The following JAK2 variants were observed in gnomAD, a reference collection of about 807,000 sequenced individuals.
JAK2 encodes tyrosine-protein kinase JAK2.
JAK2 carries 86 observed loss-of-function variants against 139.3 expected under a neutral mutation model. The ratio of observed to expected loss-of-function variants is 0.62; its 90% CI spans 0.52 to 0.74. JAK2 has a LOEUF of 0.74. Among genes scored for constraint, JAK2 ranks in the 30% least tolerant of loss-of-function variants. JAK2 has a pLI of 0.00. For missense variants in JAK2, 1,421 were observed against 1,360.3 expected (o/e 1.04, Z -0.70); for synonymous variants, 490 against 437.7 (o/e 1.12, Z -1.49).
chr9:5,011,620 G>A (rs1821705568), intron 2 of JAK2, among the ~76,000 whole-genome samples: 1 of 151,760 alleles, frequency 6.6e-6, no homozygotes, highest in Admixed American at 6.6e-5. Context: ...CTAATATTTG[G>A]GTCTGCTTTG....
chr9:5,021,866 C>T (rs1362189977), intron 2 of JAK2, 97 bp from the exon 3 acceptor site: 3 of 652,658 alleles, frequency 4.6e-6, no homozygotes, highest in East Asian at 5.5e-5. Flanking sequence ...CTTCTGGGCT[C>T]AAGCTATCTG....
Position 5,080,251 on chromosome 9 carries a change from G to T in JAK2, c.2154G>T (p.Trp718Cys), listed in dbSNP as rs1819594814. The change falls in exon 17 of 25, where the codon TGG becomes TGT. Residue 718 changes from tryptophan (W) to cysteine (C), a missense_variant. By Grantham distance (215) the Trp-to-Cys change is radical (BLOSUM62 -2). Coordinates refer to ENST00000381652, the MANE Select transcript of JAK2 (RefSeq NM_004972.4). ...PKDILQERIP[W>C]VPPECIENPK... ...AAGTTCTTCAGGAGAGAATACCATGGGTACCACCTGAATGCATTGAAAATC... is the reference window on the plus strand; with the variant it reads ...AAGTTCTTCAGGAGAGAATACCATGTGTACCACCTGAATGCATTGAAAATC... 1.2e-6 allele frequency: 2 copies of T among 1,612,378 alleles called. No individual in the cohort carries two copies. The highest frequency in any genetic ancestry group is 8.5e-7 in the Non-Finnish European group (1 of 1,178,926).
chr9:5,001,583 G>A (rs1205655058), intron 2 of JAK2, among the ~76,000 whole-genome samples: 1 of 149,500 alleles, frequency 6.7e-6, no homozygotes, highest in Admixed American at 6.6e-5. Context: ...CTGGTTCTAT[G>A]TTCTATTATT....
chr9:5,117,295 G>C lies in JAK2; in HGVS notation c.3060-5709G>C, dbSNP rs189248345. On this transcript the variant is annotated intron_variant, in intron 22 of 24. Coordinates refer to ENST00000381652, the MANE Select transcript of JAK2 (RefSeq NM_004972.4). ...CCAGTACATCATGTTAATGAGTTCA[G>C]ACCTTCTTTAGTAGACAGTGCGTAA... Among the ~76,000 whole-genome samples, 65 of 152,336 alleles carry C rather than the reference G, an allele frequency of 4.3e-4. No individual in the cohort carries two copies. The Middle Eastern group carries it at 0.024, about 56-fold the overall frequency.
At chr9:4,998,507 G>T (rs532209361) in intron 2 of JAK2, among the ~76,000 whole-genome samples, 3 of 152,046 alleles carry the variant, frequency 2.0e-5, no homozygotes, top group African/African-American at 7.2e-5. Context: ...CGCCCGCCTT[G>T]GCCTCCCAAA....
chr9:5,124,317 T>A (rs906420002), intron 23 of JAK2, among the ~76,000 whole-genome samples: 5 of 151,870 alleles, frequency 3.3e-5, no homozygotes, highest in African/African-American at 1.2e-4. Context: ...TCTCTAGGTT[T>A]TTTTTCTAGT....
Position 5,068,358 on chromosome 9 carries a change from T to C in JAK2, c.1327-664T>C, listed in dbSNP as rs373470050. On this transcript the variant is annotated intron_variant, in intron 10 of 24. Transcript: ENST00000381652. ...ACAAATATTTAAAAACTGCAAAATA[T>C]TAAAAATGTAATATTAAAGATAATT... Among the ~76,000 whole-genome samples the C allele has an allele frequency of 1.2e-3, 185 of 152,262 alleles. 1 individual carries two copies. Among genetic ancestry groups the C allele is most frequent in the African/African-American group, 4.3e-3 (180 of 41,544 alleles).
chr9:5,066,712 G>C lies in JAK2; in HGVS notation c.1249G>C (p.Gly417Arg), dbSNP rs190968273. The C allele has an allele frequency of 1.2e-6, 2 of 1,609,760 alleles. No homozygotes were observed. The highest frequency in any genetic ancestry group is 1.7e-6 in the Non-Finnish European group (2 of 1,177,284). The change falls in exon 10 of 25, where the codon GGT becomes CGT. Residue 417 changes from glycine (G) to arginine (R), a missense_variant. By Grantham distance (125) the Gly-to-Arg change is moderately radical. Transcript: ENST00000381652. The stretch of plus-strand genomic sequence containing the variant: ...TGCCATTAGTAAACTGAAGAAAGCA[G>C]GTAATCAGACTGGACTGTATGTACT... ...DFAISKLKKA[G>R]NQTGLYVLRC...
At chr9:5,055,501 A>C (rs1817699784) in intron 7 of JAK2, among the ~76,000 whole-genome samples, 168 bp from the exon 8 acceptor site, 1 of 152,050 alleles carries the variant, frequency 6.6e-6, no homozygotes, top group Non-Finnish European at 1.5e-5. Flanking sequence ...GATACAGCAT[A>C]GTCTTAGGGT....
chr9:5,064,618 A>C (rs916412132), intron 8 of JAK2, among the ~76,000 whole-genome samples: 2 of 152,250 alleles, frequency 1.3e-5, no homozygotes, highest in African/African-American at 4.8e-5. Context: ...GATAACTGGT[A>C]TATTAGTCTA....
intron 9 of JAK2, among the ~76,000 whole-genome samples, chr9:5,066,468 C>G (rs1410389446): frequency 6.6e-6 from 1 of 151,954 alleles, no homozygotes; most frequent in Non-Finnish European, 1.5e-5. Flanking sequence ...GTTTTTAAAG[C>G]TATATAATTG....
intron 22 of JAK2, among the ~76,000 whole-genome samples, chr9:5,102,437 G>A (rs1462955003): frequency 6.6e-6 from 1 of 152,174 alleles, no homozygotes; most frequent in Admixed American, 6.5e-5. Flanking sequence ...GAAAGTGACG[G>A]GGAGAATGGA....
rs1483443300 is a variant in JAK2 at position 5,128,569 on chromosome 9, G to A, written c.*1778G>A. Among the ~76,000 whole-genome samples, 1 of 151,720 alleles carries A rather than the reference G, an allele frequency of 6.6e-6. No homozygotes were observed. Among genetic ancestry groups the A allele is most frequent in the Admixed American group, 6.6e-5 (1 of 15,254 alleles). Reference sequence around the variant, plus strand: ...GTTCTTATCAAGGGTCTCTAACATTGCTTTTTAAAACAAGATGTGAACTAA... The same window carrying A: ...GTTCTTATCAAGGGTCTCTAACATTACTTTTTAAAACAAGATGTGAACTAA... On this transcript the variant is annotated 3_prime_UTR_variant, in exon 25 of 25. Transcript: ENST00000381652.
At chr9:4,996,022 A>G (rs1341474104) in intron 2 of JAK2, among the ~76,000 whole-genome samples, 1 of 152,178 alleles carries the variant, frequency 6.6e-6, no homozygotes, top group Non-Finnish European at 1.5e-5. Flanking sequence ...GTCATTTCAT[A>G]ATGGCAATCC....
At chr9:5,100,037 C>T (rs539667955) in intron 22 of JAK2, 4 of 152,216 alleles carry the variant, frequency 2.6e-5, no homozygotes, top group Non-Finnish European at 5.9e-5. Flanking sequence ...GTGCAATTAA[C>T]AGCCAACATT....
At chr9:5,020,540 G>A (rs1822350532) in intron 2 of JAK2, among the ~76,000 whole-genome samples, 1 of 152,154 alleles carries the variant, frequency 6.6e-6, no homozygotes, top group South Asian at 2.1e-4. Context: ...GTTGCTGTCA[G>A]TGGGAGCAGT....
intron 16 of JAK2, 145 bp downstream of exon 16, chr9:5,078,589 TGTTA>T (rs1392668064): frequency 3.0e-6 from 2 of 672,102 alleles, no homozygotes; most frequent in Non-Finnish European, 4.9e-6. Context: ...CAATTTAAAT[TGTTA>T]GTTAAATCTT....
At chr9:5,075,871 G>C (rs1410781543) in intron 14 of JAK2, among the ~76,000 whole-genome samples, 1 of 152,146 alleles carries the variant, frequency 6.6e-6, no homozygotes. Flanking sequence ...CTTATGGAAA[G>C]GATTCACCAT....
chr9:5,068,534 T>C (rs1212851808), intron 10 of JAK2, among the ~76,000 whole-genome samples: 1 of 152,188 alleles, frequency 6.6e-6, no homozygotes, highest in African/African-American at 2.4e-5. Flanking sequence ...AAGAAGTGGG[T>C]ATACATTCTT....
Sources: allele counts gnomAD v4.1 joint callset (sites outside exome capture counted in the v4.1 genomes callset), GRCh38; gene constraint gnomAD v4.1.1; transcripts MANE v1.5; gene names NCBI Gene and HGNC (gene_info 2026-07-23, HGNC 2026-07-21).